Variants in NSMCE2 observed in about 807,000 individuals in gnomAD.
NSMCE2 encodes the protein E3 SUMO-protein ligase NSE2.
A neutral mutation model predicts 23.8 loss-of-function variants in NSMCE2; 24 were observed. The observed-to-expected ratio is 1.01, with a 90% CI of 0.73 to 1.42. The LOEUF is 1.42. Among genes scored for constraint, NSMCE2 ranks in the 40% most tolerant of loss-of-function variants. NSMCE2 has a pLI of 0.00. For missense variants in NSMCE2, 284 were observed against 296.5 expected (o/e 0.96, Z 0.31); for synonymous variants, 92 against 94.1 (o/e 0.98, Z 0.13).
intron 5 of NSMCE2, among the ~76,000 whole-genome samples, chr8:125,263,275 T>G (rs903732065): frequency 6.6e-6 from 1 of 152,308 alleles, no homozygotes; most frequent in East Asian, 1.9e-4. Flanking sequence ...CCCAGGGATC[T>G]ATGTAGGTAT....
chr8:125,228,485 T>G (rs1383061945), intron 5 of NSMCE2, among the ~76,000 whole-genome samples: 1 of 152,088 alleles, frequency 6.6e-6, no homozygotes. Context: ...AAAAGGAAAG[T>G]GATGAATTTT....
chr8:125,132,183 C>T (rs1039108509), intron 3 of NSMCE2, among the ~76,000 whole-genome samples: 5 of 152,100 alleles, frequency 3.3e-5, no homozygotes, highest in Non-Finnish European at 7.3e-5. Context: ...CTGTAAACTG[C>T]AACTCCTGGG....
chr8:125,337,902 AAAAG>A (rs1164909440), intron 5 of NSMCE2, among the ~76,000 whole-genome samples: 22 of 147,928 alleles, frequency 1.5e-4, no homozygotes, highest in Middle Eastern at 3.5e-3. Flanking sequence ...AAAAAAAAAA[AAAAG>A]AAAGAAAGAA....
intron 5 of NSMCE2, among the ~76,000 whole-genome samples, chr8:125,192,111 T>C (rs1235607245): frequency 6.6e-6 from 1 of 152,188 alleles, no homozygotes; most frequent in Admixed American, 6.5e-5. Context: ...GAGAGTATGA[T>C]GCCATCCACA....
At chr8:125,190,412 G>A (rs1013354156) in intron 5 of NSMCE2, among the ~76,000 whole-genome samples, 2 of 152,106 alleles carry the variant, frequency 1.3e-5, no homozygotes, top group African/African-American at 2.4e-5. Flanking sequence ...GAAGACAGAC[G>A]GTGCCAAGGA....
Position 125,122,866 on chromosome 8 carries a change from T to G in NSMCE2, c.157+20379T>G, listed in dbSNP as rs1349689115. ...TCCTGTTTCCCAGCCAAGTTGGGGC[T>G]TCGTGTTCCAGTCTGTGTTGCACTA... On this transcript the variant is annotated intron_variant, in intron 3 of 7. Coordinates refer to ENST00000287437, the MANE Select transcript of NSMCE2 (RefSeq NM_173685.4). 3.3e-5 allele frequency among the ~76,000 whole-genome samples: 5 copies of G among 152,282 alleles called. No homozygotes were observed. In the East Asian group the frequency reaches 9.6e-4, roughly 29 times the overall value.
At chr8:125,268,933 T>C (rs1042385153) in intron 5 of NSMCE2, among the ~76,000 whole-genome samples, 11 of 152,152 alleles carry the variant, frequency 7.2e-5, no homozygotes, top group African/African-American at 2.7e-4. Context: ...ATTTTAAAAT[T>C]TGGCAGGTAT....
At chr8:125,147,786 T>A (rs746349612) in intron 3 of NSMCE2, among the ~76,000 whole-genome samples, 32 of 152,076 alleles carry the variant, frequency 2.1e-4, no homozygotes, top group Non-Finnish European at 3.8e-4. Flanking sequence ...TGTTTATCCC[T>A]TTTTCCCCCT....
chr8:125,176,725 T>C (rs1453554679), intron 4 of NSMCE2, among the ~76,000 whole-genome samples: 1 of 152,240 alleles, frequency 6.6e-6, no homozygotes, highest in Non-Finnish European at 1.5e-5. Context: ...ACAGCGACAC[T>C]ATACATTGTC....
intron 5 of NSMCE2, among the ~76,000 whole-genome samples, chr8:125,255,342 C>T (rs953611263): frequency 3.3e-5 from 5 of 152,104 alleles, no homozygotes; most frequent in Non-Finnish European, 4.4e-5. Context: ...AGGAGGTAGA[C>T]ACATAAACAA....
At chr8:125,315,306 C>T (rs1829137898) in intron 5 of NSMCE2, among the ~76,000 whole-genome samples, 2 of 152,110 alleles carry the variant, frequency 1.3e-5, no homozygotes, top group South Asian at 2.1e-4. Context: ...TACCTCAAAG[C>T]CCCAGCTTCC....
chr8:125,269,217 A>G (rs1827075405), intron 5 of NSMCE2, among the ~76,000 whole-genome samples: 1 of 152,024 alleles, frequency 6.6e-6, no homozygotes, highest in African/African-American at 2.4e-5. Flanking sequence ...CCTCCCATGT[A>G]GCTGGGACTA....
intron 5 of NSMCE2, among the ~76,000 whole-genome samples, chr8:125,294,131 T>A (rs1433120856): frequency 3.3e-5 from 5 of 152,234 alleles, no homozygotes; most frequent in Non-Finnish European, 5.9e-5. Context: ...GTAGCATGTA[T>A]CACTATTTCA....
At chr8:125,092,955 T>C (rs910172318) in intron 1 of NSMCE2, among the ~76,000 whole-genome samples, 2 of 152,228 alleles carry the variant, frequency 1.3e-5, no homozygotes, top group East Asian at 3.8e-4. Context: ...CCCTGGCCTC[T>C]GCCCGCTAGA....
intron 5 of NSMCE2, among the ~76,000 whole-genome samples, chr8:125,265,917 C>G (rs535734580): frequency 6.6e-6 from 1 of 151,986 alleles, no homozygotes; most frequent in Non-Finnish European, 1.5e-5. Context: ...AAATGTGTAT[C>G]ATGAACCCTC....
intron 5 of NSMCE2, among the ~76,000 whole-genome samples, chr8:125,337,349 T>C (rs1830091050): frequency 6.6e-6 from 1 of 152,182 alleles, no homozygotes; most frequent in Non-Finnish European, 1.5e-5. Flanking sequence ...TCTTATAAAA[T>C]AATGCTGTGA....
chr8:125,272,840 C>CGT (rs1404431367), intron 5 of NSMCE2, among the ~76,000 whole-genome samples: 1 of 51,310 alleles, frequency 1.9e-5, no homozygotes, highest in Non-Finnish European at 4.0e-5. Context: ...TATATACACA[C>CGT]GTATATACAC....
chr8:125,207,043 C>T (rs1738708843), intron 5 of NSMCE2, among the ~76,000 whole-genome samples: 1 of 152,134 alleles, frequency 6.6e-6, no homozygotes, highest in Non-Finnish European at 1.5e-5. Context: ...CAAGGATGCA[C>T]ACATTTCTGA....
intron 5 of NSMCE2, among the ~76,000 whole-genome samples, chr8:125,284,864 C>A (rs748640559): frequency 6.6e-6 from 1 of 152,104 alleles, no homozygotes; most frequent in African/African-American, 2.4e-5. Context: ...GAAAAGAGAA[C>A]CTAATTAGTA....
Sources: allele counts gnomAD v4.1 joint callset (sites outside exome capture counted in the v4.1 genomes callset), GRCh38; gene constraint gnomAD v4.1.1; transcripts MANE v1.5; gene names NCBI Gene and HGNC (gene_info 2026-07-23, HGNC 2026-07-21).